KALRN: variants seen among roughly 807,000 people sequenced by gnomAD.
KALRN encodes kalirin RhoGEF kinase, also known as kalirin.
KALRN carries 70 observed loss-of-function variants against 353.7 expected under a neutral mutation model. The ratio of observed to expected loss-of-function variants is 0.20; its 90% CI spans 0.16 to 0.24. The LOEUF (loss-of-function observed/expected upper bound fraction) is 0.24. Ranked by LOEUF, KALRN falls within the 10% of genes least tolerant of loss-of-function variation. KALRN has a pLI of 1.00. For missense variants in KALRN, 2,791 were observed against 3,756.7 expected, an observed-to-expected ratio of 0.74 and a Z score of 6.72; for synonymous variants, 1,391 against 1,434.8, an observed-to-expected ratio of 0.97 and a Z score of 0.69.
At chr3:124,551,436 G>A (rs184125126) in intron 33 of KALRN, among the ~76,000 whole-genome samples, 15 of 152,334 alleles carry the variant, frequency 9.8e-5, no homozygotes, top group Non-Finnish European at 1.8e-4. Flanking sequence ...ACTCATTGCT[G>A]GGCACATGTG....
chr3:124,377,774 T>G (rs775795437), intron 10 of KALRN, among the ~76,000 whole-genome samples: 28 of 152,228 alleles, frequency 1.8e-4, no homozygotes, highest in Non-Finnish European at 3.7e-4. Flanking sequence ...ATTGACCCCT[T>G]GATCATTATC....
In KALRN at chr3:124,268,569, T is replaced by C; in HGVS notation, c.457-174T>C. ...GTCAGCAGTCTGTAGAAACTGCTGA[T>C]CCTGACTGATCTGTGACTCCTGACC... On this transcript the variant is annotated intron_variant, in intron 4 of 59. Coordinates refer to ENST00000682506, the MANE Select transcript of KALRN (RefSeq NM_001388419.1). 1.1e-5 allele frequency: 7 copies of C among 646,156 alleles called. No individual in the cohort carries two copies. The South Asian group carries it at 1.3e-4, about 12-fold the overall frequency. 40.0% of individuals were successfully genotyped at this position (646,156 alleles called of 1,614,324 possible).
intron 1 of KALRN, among the ~76,000 whole-genome samples, chr3:124,172,732 C>G (rs572978314): frequency 2.0e-5 from 3 of 152,066 alleles, no homozygotes; most frequent in Non-Finnish European, 4.4e-5. Flanking sequence ...TCTCAACCCT[C>G]TCAATGCTGT....
intron 1 of KALRN, among the ~76,000 whole-genome samples, chr3:124,158,041 C>A (rs1178727351): frequency 3.9e-5 from 6 of 152,226 alleles, no homozygotes; most frequent in Non-Finnish European, 7.3e-5. Flanking sequence ...TCCTGCCCAT[C>A]TTTCTCCTAG....
At chr3:124,631,667 T>A (rs924874203) in intron 34 of KALRN, among the ~76,000 whole-genome samples, 3 of 152,140 alleles carry the variant, frequency 2.0e-5, no homozygotes, top group Non-Finnish European at 4.4e-5. Context: ...TCCCAACCAG[T>A]TTCCCTATTT....
At chr3:124,286,110 TCTTTCTTTCTTTCTTTCTTTCTTTCTTTC>T (rs1450579285) in intron 5 of KALRN, among the ~76,000 whole-genome samples, 1 of 147,428 alleles carries the variant, frequency 6.8e-6, no homozygotes, top group African/African-American at 2.6e-5. Context: ...TTTCTTTCTT[TCTTTCTTTCTTTCTTTCTTTCTTTCTTTC>T]CTTTCTTTCT....
chr3:124,545,243 T>C (rs760378771), intron 33 of KALRN, among the ~76,000 whole-genome samples: 1 of 152,204 alleles, frequency 6.6e-6, no homozygotes, highest in Admixed American at 6.5e-5. Context: ...TTGCTCTTTT[T>C]TTGTATAGGA....
chr3:124,457,276 G>C (rs2059410019), intron 23 of KALRN, among the ~76,000 whole-genome samples: 1 of 151,998 alleles, frequency 6.6e-6, no homozygotes, highest in South Asian at 2.1e-4. Context: ...CACCATGTTG[G>C]CCAGGCTGGT....
At chr3:124,512,478 T>C (rs1386950532) in intron 33 of KALRN, among the ~76,000 whole-genome samples, 1 of 152,112 alleles carries the variant, frequency 6.6e-6, no homozygotes, top group Non-Finnish European at 1.5e-5. Context: ...GGTGAAACCC[T>C]GCCACTACTG....
chr3:124,322,063 G>A (rs1445607562), intron 6 of KALRN, among the ~76,000 whole-genome samples: 1 of 152,204 alleles, frequency 6.6e-6, no homozygotes, highest in Non-Finnish European at 1.5e-5. Context: ...CAGATGAGGG[G>A]AAGGGGCTAA....
chr3:124,394,350 AG>A (rs1411778669), intron 11 of KALRN, among the ~76,000 whole-genome samples: 9 of 152,352 alleles, frequency 5.9e-5, no homozygotes, highest in Admixed American at 5.9e-4. Flanking sequence ...AGTAGTCAAA[AG>A]TGAGCTCTCT....
At chr3:124,355,289 C>T (rs1014521748) in intron 10 of KALRN, among the ~76,000 whole-genome samples, 1 of 152,008 alleles carries the variant, frequency 6.6e-6, no homozygotes, top group African/African-American at 2.4e-5. Context: ...ATATCTAAAC[C>T]AGAGAAATAA....
intron 16 of KALRN, among the ~76,000 whole-genome samples, chr3:124,433,614 A>AAG (rs1560925123): frequency 7.0e-6 from 1 of 143,382 alleles, no homozygotes; most frequent in East Asian, 1.9e-4. Context: ...AAAAAAAAAA[A>AAG]AAGGAAAGAA....
intron 1 of KALRN, among the ~76,000 whole-genome samples, chr3:124,134,675 G>A (rs546855182): frequency 1.3e-5 from 2 of 152,060 alleles, no homozygotes; most frequent in South Asian, 2.1e-4. Context: ...AGACAAATCA[G>A]TAAGAAAAAA....
chr3:124,591,936 C>A (rs2075816927), intron 34 of KALRN, among the ~76,000 whole-genome samples: 1 of 151,972 alleles, frequency 6.6e-6, no homozygotes, highest in Non-Finnish European at 1.5e-5. Context: ...TTAATTAGAC[C>A]AATAAAAAAC....
chr3:124,077,280 C>T (rs2060305353), intron 1 of KALRN, among the ~76,000 whole-genome samples: 1 of 152,130 alleles, frequency 6.6e-6, no homozygotes, highest in South Asian at 2.1e-4. Context: ...GCTCAGATGC[C>T]CCAGATGGGT....
At chr3:124,629,798 T>TTC (rs398038347) in intron 34 of KALRN, among the ~76,000 whole-genome samples, 1 of 79,904 alleles carries the variant, frequency 1.3e-5, no homozygotes. Context: ...TTTTCATTTT[T>TTC]TCTCTCTCTC....
At chr3:124,412,235 G>A (rs1433821447) in intron 13 of KALRN, among the ~76,000 whole-genome samples, 1 of 152,114 alleles carries the variant, frequency 6.6e-6, no homozygotes. Context: ...TGTCCCTGAT[G>A]CTCCTGGAGC....
At position 124,272,866 on chromosome 3, in the gene KALRN, G is replaced by C. The variant is rs1260835291; in HGVS notation, c.969+3611G>C. ...GGTGGCTTTGGAAGGGGGTGAAGAG[G>C]GTGATGGTTTGGAATAAGGGCTGTG... is the stretch of plus-strand genomic sequence containing the variant. On this transcript the variant is annotated intron_variant, in intron 5 of 59. Transcript: ENST00000682506. Among the ~76,000 whole-genome samples, 2 of 152,164 alleles carry C rather than the reference G, an allele frequency of 1.3e-5. 1 individual carries two copies. The highest frequency in any genetic ancestry group is 2.9e-5 in the Non-Finnish European group (2 of 68,026).
Sources: allele counts gnomAD v4.1 joint callset (sites outside exome capture counted in the v4.1 genomes callset), GRCh38; gene constraint gnomAD v4.1.1; transcripts MANE v1.5; gene names NCBI Gene and HGNC (gene_info 2026-07-23, HGNC 2026-07-21).